Variants in APBB2 observed in about 807,000 individuals in gnomAD.
The protein encoded by APBB2 is amyloid beta precursor protein binding family B member 2, also known as Fe65-like 1.
A neutral mutation model predicts 82.5 loss-of-function variants in APBB2; 38 were observed. The observed-to-expected ratio is 0.46, with a 90% CI of 0.36 to 0.60. The LOEUF (loss-of-function observed/expected upper bound fraction) is 0.60. APBB2 is among the 20% of genes least tolerant of loss of function. The pLI, the probability that APBB2 is intolerant of heterozygous loss-of-function variation, is 0.00. For synonymous variants in APBB2, 341 were observed against 368.2 expected, an observed-to-expected ratio of 0.93 and a Z score of 0.85; for missense variants, 772 against 972.3, an observed-to-expected ratio of 0.79 and a Z score of 2.74.
chr4:41,011,104 ACAT>A (rs1167021184), intron 6 of APBB2, among the ~76,000 whole-genome samples: 1 of 151,592 alleles, frequency 6.6e-6, no homozygotes, highest in African/African-American at 2.4e-5. Context: ...GATTCTAAAA[ACAT>A]CATCACAACA....
chr4:40,857,278 C>A (rs1332681212), intron 12 of APBB2: 1 of 637,438 alleles, frequency 1.6e-6, no homozygotes, highest in Non-Finnish European at 2.0e-6. Flanking sequence ...AGTGCTCCCG[C>A]TAGGTGCTCC....
intron 10 of APBB2, among the ~76,000 whole-genome samples, chr4:40,925,807 A>G (rs1782474089): frequency 6.6e-6 from 1 of 152,186 alleles, no homozygotes; most frequent in East Asian, 1.9e-4. Context: ...GTAGCTGCTA[A>G]TATAATTACT....
chr4:41,125,500 G>A (rs957556887), intron 2 of APBB2, among the ~76,000 whole-genome samples: 7 of 152,092 alleles, frequency 4.6e-5, no homozygotes, highest in African/African-American at 7.2e-5. Context: ...CAACATTTAT[G>A]CCTCTCATTT....
intron 12 of APBB2, chr4:40,881,004 C>T (rs1768320035): frequency 1.0e-6 from 1 of 985,276 alleles, no homozygotes; most frequent in Admixed American, 6.1e-5. Flanking sequence ...TGTTCTTGGA[C>T]AATCACTTAC....
chr4:40,892,471 T>C (rs1328770454), intron 11 of APBB2: 1 of 152,224 alleles, frequency 6.6e-6, no homozygotes, highest in Non-Finnish European at 1.5e-5. Flanking sequence ...CATTGGGATG[T>C]GCTGCTAGGA....
At chr4:41,176,825 A>T (rs1306709587) in intron 1 of APBB2, among the ~76,000 whole-genome samples, 3 of 152,216 alleles carry the variant, frequency 2.0e-5, no homozygotes, top group Non-Finnish European at 2.9e-5. Flanking sequence ...TAAGAAAAAA[A>T]TTTGAGATCT....
intron 1 of APBB2, among the ~76,000 whole-genome samples, chr4:41,191,687 A>G (rs551329484): frequency 8.5e-5 from 13 of 152,368 alleles, no homozygotes; most frequent in Non-Finnish European, 1.8e-4. Flanking sequence ...AACATAAGGG[A>G]AAAGTTCCTT....
intron 6 of APBB2, among the ~76,000 whole-genome samples, chr4:40,949,765 C>T (rs1277132119): frequency 7.2e-5 from 11 of 152,260 alleles, no homozygotes; most frequent in Non-Finnish European, 1.5e-4. Flanking sequence ...GCCAGCTTCA[C>T]TGCCCTTCTG....
At chr4:41,174,102 G>A (rs892796972) in intron 1 of APBB2, among the ~76,000 whole-genome samples, 1 of 152,116 alleles carries the variant, frequency 6.6e-6, no homozygotes, top group Admixed American at 6.5e-5. Context: ...AAACACCGAA[G>A]CTGATCACTT....
intron 5 of APBB2, among the ~76,000 whole-genome samples, chr4:41,015,698 A>G (rs1056629391): frequency 2.0e-5 from 3 of 152,218 alleles, no homozygotes; most frequent in Non-Finnish European, 2.9e-5. Context: ...CATGTGGCCC[A>G]TAAGAGAGTC....
At chr4:41,178,063 C>T (rs1770308054) in intron 1 of APBB2, among the ~76,000 whole-genome samples, 1 of 149,336 alleles carries the variant, frequency 6.7e-6, no homozygotes, top group Admixed American at 6.6e-5. Flanking sequence ...TTTACTAACA[C>T]TTTATGCTAA....
intron 10 of APBB2, among the ~76,000 whole-genome samples, chr4:40,933,323 A>G (rs1477710864): frequency 6.6e-6 from 1 of 152,182 alleles, no homozygotes; most frequent in Non-Finnish European, 1.5e-5. Flanking sequence ...GCTGCTGGAC[A>G]GATGCACCAT....
chr4:41,191,671 G>C (rs1774482183), intron 1 of APBB2, among the ~76,000 whole-genome samples: 1 of 152,150 alleles, frequency 6.6e-6, no homozygotes, highest in Admixed American at 6.5e-5. Context: ...AAGACTCCCA[G>C]AAGAGAACAT....
At chr4:41,019,909 A>G (rs1279384485) in intron 5 of APBB2, among the ~76,000 whole-genome samples, 2 of 151,992 alleles carry the variant, frequency 1.3e-5, no homozygotes, top group African/African-American at 4.8e-5. Flanking sequence ...AGACAGAGAG[A>G]CAAAGAGAAG....
rs188301952 is a variant in APBB2 at position 40,832,789 on chromosome 4, C to T, written c.1530-2212G>A. 7.2e-5 allele frequency among the ~76,000 whole-genome samples: 11 copies of T among 152,316 alleles called. No homozygotes were observed. The East Asian group carries it at 1.7e-3, about 24-fold the overall frequency. On this transcript the variant is annotated intron_variant, in intron 12 of 17. Coordinates refer to ENST00000508593, the MANE Select transcript of APBB2 (RefSeq NM_004307.2). This position sits in a 1 kb window ranked among gnomAD's most constrained non-coding sequence, Gnocchi z 4.8. ...TCAACACTCTGCAGCTCCATGAAGA[C>T]GACTGTGCCTAACTCATCCCAGCGT...
At position 40,813,845 on chromosome 4, in the gene APBB2, TAAATGATTTCTGA is replaced by T. The variant is rs1237571560; in HGVS notation, c.*2234_*2246del. 1.3e-5 allele frequency: 2 copies of T among 152,222 alleles called. No homozygotes were observed. The highest frequency in any genetic ancestry group is 1.3e-4 in the Admixed American group (2 of 15,286). 9.4% of individuals were successfully genotyped at this position (152,222 alleles called of 1,614,324 possible). A position where few individuals can be genotyped will look rare whatever the true frequency, so the allele number is the denominator to read the frequency against. ...CAGCGACCGAGATGAAAGATCACTGTAAATGATTTCTGAACAGCTTTTCAAAGGGCACAGCAAG... is the reference window on the plus strand; with the variant it reads ...CAGCGACCGAGATGAAAGATCACTGTACAGCTTTTCAAAGGGCACAGCAAG... On this transcript the variant is annotated 3_prime_UTR_variant, in exon 18 of 18. Transcript: ENST00000508593.
At chr4:40,948,890 CAAAAAAAAAAAAAA>C (rs59172492) in intron 6 of APBB2, among the ~76,000 whole-genome samples, 3 of 101,614 alleles carry the variant, frequency 3.0e-5, no homozygotes, top group African/African-American at 4.1e-5. Flanking sequence ...ATCCTGTCTC[CAAAAAAAAAAAAAA>C]AAAAAAAAAA....
At chr4:40,989,278 C>A (rs993956762) in intron 6 of APBB2, among the ~76,000 whole-genome samples, 6 of 152,096 alleles carry the variant, frequency 3.9e-5, no homozygotes, top group African/African-American at 1.4e-4. Flanking sequence ...GAATCGTTTT[C>A]CCCCTCAACT....
intron 2 of APBB2, among the ~76,000 whole-genome samples, chr4:41,120,415 A>G (rs1752456748): frequency 6.6e-6 from 1 of 152,184 alleles, no homozygotes; most frequent in African/African-American, 2.4e-5. Context: ...CACGTGACTG[A>G]TCCTGTGCTG....
Sources: gnomAD v4.1 joint callset for allele counts (sites outside exome capture counted in the v4.1 genomes callset) on GRCh38, gnomAD v4.1.1 for gene constraint, Gnocchi (gnomAD v3.1) non-coding constraint, MANE v1.5 for transcripts, NCBI Gene and HGNC (gene_info 2026-07-23, HGNC 2026-07-21) for gene names.